The following SLC6A3 variants were observed in gnomAD, a reference collection of about 807,000 sequenced individuals.
The protein encoded by SLC6A3 is sodium-dependent dopamine transporter.
A neutral mutation model predicts 70.4 loss-of-function variants in SLC6A3; 19 were observed. That is an observed-to-expected ratio of 0.27 (90% CI 0.19 to 0.40). The LOEUF is 0.40. Ranked by LOEUF, SLC6A3 falls within the 10% of genes least tolerant of loss-of-function variation. SLC6A3 has a pLI of 1.00. For missense variants in SLC6A3, 613 were observed against 838.5 expected, an observed-to-expected ratio of 0.73 and a Z score of 3.32; for synonymous variants, 368 against 356.6, an observed-to-expected ratio of 1.03 and a Z score of -0.36.
In SLC6A3 at chr5:1,409,482, C is replaced by T. The variant is rs1756062306; in HGVS notation, c.1398+239G>A. Among the ~76,000 whole-genome samples the T allele has an allele frequency of 2.6e-5, 4 of 152,164 alleles. No individual in the cohort carries two copies. In the East Asian group the frequency reaches 5.8e-4, roughly 22 times the overall value. ...CCAGTCCCCAAACCCTAGAAGGAGG[C>T]AGCTTCAGCCTGGGGTGCTTCTGGG... is the stretch of plus-strand genomic sequence containing the variant. On this transcript the variant is annotated intron_variant, in intron 10 of 14. Transcript: ENST00000270349.
At position 1,430,320 on chromosome 5, in the gene SLC6A3, G is replaced by A. The variant is rs542847879; in HGVS notation, c.653+2144C>T. Among the ~76,000 whole-genome samples, 3 of 152,176 alleles carry A rather than the reference G, an allele frequency of 2.0e-5. No homozygotes were observed. In the East Asian group the frequency reaches 5.8e-4, roughly 29 times the overall value. On this transcript the variant is annotated intron_variant, in intron 4 of 14. Coordinates refer to ENST00000270349, the MANE Select transcript of SLC6A3 (RefSeq NM_001044.5). ...GGCCCACACAACGCTCACCCCACGC[G>A]ACCCATGGTCTTCCTCATGCTCTAA... is the stretch of plus-strand genomic sequence containing the variant.
At chr5:1,430,674 G>A (rs532418573) in intron 4 of SLC6A3, among the ~76,000 whole-genome samples, 64 of 152,254 alleles carry the variant, frequency 4.2e-4, no homozygotes, top group African/African-American at 1.3e-3. Flanking sequence ...CTGTTGATAC[G>A]GTTTTCAGAT....
At chr5:1,430,534 G>A (rs545648663) in intron 4 of SLC6A3, among the ~76,000 whole-genome samples, 2 of 152,262 alleles carry the variant, frequency 1.3e-5, no homozygotes, top group South Asian at 2.1e-4. Context: ...TCCCTTTCCG[G>A]CAGCATCAGC....
rs141485913 is a variant in SLC6A3, at chr5:1,400,975, G to A, written c.1779C>T (p.Tyr593=). 6.0e-5 allele frequency: 96 copies of A among 1,595,756 alleles called. No individual in the cohort carries two copies. Among genetic ancestry groups the A allele is most frequent in the African/African-American group, 1.1e-4 (8 of 74,600 alleles). Reference sequence around the variant, plus strand: ...CACGGTCCTTCTCGGGTGCAATGGCGTAGGCCAGTTTCTGAAAGAGAAAGA... The same window carrying A: ...CACGGTCCTTCTCGGGTGCAATGGCATAGGCCAGTTTCTGAAAGAGAAAGA... The part of the protein sequence containing the change: ...LPGSFREKLA[Y]AIAPEKDREL... Residue 593 remains tyrosine (Y), a synonymous_variant, in exon 14 of 15, where the codon TAC becomes TAT. Coordinates refer to ENST00000270349, the MANE Select transcript of SLC6A3 (RefSeq NM_001044.5).
rs558969327 is a variant in SLC6A3, at chr5:1,393,171, G to A, written c.*1564C>T. The A allele has an allele frequency of 4.6e-5, 7 of 152,276 alleles. No individual in the cohort carries two copies. The highest frequency in any genetic ancestry group is 4.2e-4 in the South Asian group (2 of 4,812). 9.4% of individuals were successfully genotyped at this position (152,276 alleles called of 1,614,324 possible). ...TTACACTCCAGTCCCTGGAGCCCAC[G>A]TCCACTTGCAGGGGACAGCCATGAC... On this transcript the variant is annotated 3_prime_UTR_variant, in exon 15 of 15. Coordinates refer to ENST00000270349, the MANE Select transcript of SLC6A3 (RefSeq NM_001044.5).
In SLC6A3 at chr5:1,437,063, A is replaced by G. The variant is rs1374229475; in HGVS notation, c.418+4296T>C. ...TCAGGCAATCGAGACCATCCTGGCT[A>G]ACACGATGAAACCCCGTCTCTACTA... On this transcript the variant is annotated intron_variant, in intron 3 of 14. Coordinates refer to ENST00000270349, the MANE Select transcript of SLC6A3 (RefSeq NM_001044.5). The surrounding 1 kb of genome is among the most constrained non-coding windows in gnomAD (Gnocchi z 4.8). Among the ~76,000 whole-genome samples the G allele has an allele frequency of 1.3e-5, 2 of 152,176 alleles. No homozygotes were observed. The highest frequency in any genetic ancestry group is 4.8e-5 in the African/African-American group (2 of 41,450).
rs1242428505 is a variant in SLC6A3 at position 1,437,779 on chromosome 5, C to T, written c.418+3580G>A. 6.6e-6 allele frequency among the ~76,000 whole-genome samples: 1 copy of T among 152,272 alleles called. No homozygotes were observed. Among genetic ancestry groups the T allele is most frequent in the Admixed American group, 6.5e-5 (1 of 15,292 alleles). On this transcript the variant is annotated intron_variant, in intron 3 of 14. Coordinates refer to ENST00000270349, the MANE Select transcript of SLC6A3 (RefSeq NM_001044.5). The surrounding 1 kb of genome is among the most constrained non-coding windows in gnomAD (Gnocchi z 4.8). Reference sequence around the variant, plus strand: ...ACCAGGCTTCCTGGAGAGCTGGCTTCATTCCCCCATGGAATTGCCACCTGC... The same window carrying T: ...ACCAGGCTTCCTGGAGAGCTGGCTTTATTCCCCCATGGAATTGCCACCTGC...
In SLC6A3 at chr5:1,405,540, A is replaced by T. The variant is rs1755951834; in HGVS notation, c.1599+648T>A. Among the ~76,000 whole-genome samples the T allele has an allele frequency of 6.6e-6, 1 of 152,254 alleles. No individual in the cohort carries two copies. On this transcript the variant is annotated intron_variant, in intron 12 of 14. Coordinates refer to ENST00000270349, the MANE Select transcript of SLC6A3 (RefSeq NM_001044.5). The surrounding 1 kb of genome is among the most constrained non-coding windows in gnomAD (Gnocchi z 5.3). ...CTTAGGTTGCCTGCCCAGATCAGGC[A>T]GCACAGCTTTGCTTTGTGAGCCTCC...
Position 1,401,396 on chromosome 5 carries a change from G to A in SLC6A3, c.1768-410C>T. 1 of 413,030 alleles carries A rather than the reference G, an allele frequency of 2.4e-6. No homozygotes were observed. The highest frequency in any genetic ancestry group is 4.7e-6 in the Non-Finnish European group (1 of 211,388). The allele number at this position is 413,030 out of a possible 1,614,324, so 25.6% of individuals were successfully genotyped here. A position where few individuals can be genotyped will look rare whatever the true frequency, so the allele number is the denominator to read the frequency against. On this transcript the variant is annotated intron_variant, in intron 13 of 14. Coordinates refer to ENST00000270349, the MANE Select transcript of SLC6A3 (RefSeq NM_001044.5). The surrounding 1 kb of genome is among the most constrained non-coding windows in gnomAD (Gnocchi z 6.1). Reference sequence around the variant, plus strand: ...GCCACCTGCAGCTGACATATTCCGGGAGCACTTGCTTTTTGTCACCTGCAG... The same window carrying A: ...GCCACCTGCAGCTGACATATTCCGGAAGCACTTGCTTTTTGTCACCTGCAG...
chr5:1,424,140 C>A (rs1376838700), intron 4 of SLC6A3, among the ~76,000 whole-genome samples: 1 of 152,234 alleles, frequency 6.6e-6, no homozygotes, highest in Admixed American at 6.5e-5. Flanking sequence ...TTGGCACAGG[C>A]CCCAGGTTGG....
chr5:1,443,158 C>T lies in SLC6A3; in HGVS notation c.40G>A (p.Val14Met), dbSNP rs190367530. Residue 14 changes from valine to methionine, a missense_variant, in exon 2 of 15, where the codon GTG becomes ATG. Coordinates refer to ENST00000270349, the MANE Select transcript of SLC6A3 (RefSeq NM_001044.5). ...TTGGGCTCCTTAGCCGGGGCCACCACGGAAGACATGAGTCCCACGGAGCAT... is the reference window on the plus strand; with the variant it reads ...TTGGGCTCCTTAGCCGGGGCCACCATGGAAGACATGAGTCCCACGGAGCAT... Reference protein sequence around the residue: ...SKCSVGLMSSVVAPAKEPNAV... With the variant: ...SKCSVGLMSSMVAPAKEPNAV... The T allele has an allele frequency of 1.4e-5, 22 of 1,614,234 alleles. No individual in the cohort carries two copies. The highest frequency in any genetic ancestry group is 8.3e-5 in the Admixed American group (5 of 60,032).
chr5:1,431,065 C>T (rs953264950), intron 4 of SLC6A3, among the ~76,000 whole-genome samples: 62 of 150,142 alleles, frequency 4.1e-4, no homozygotes, highest in Non-Finnish European at 7.9e-4. Context: ...ATCGCGCAAA[C>T]GTCCTCTCCT....
At chr5:1,429,053 T>C (rs1756636924) in intron 4 of SLC6A3, among the ~76,000 whole-genome samples, 1 of 152,212 alleles carries the variant, frequency 6.6e-6, no homozygotes, top group Non-Finnish European at 1.5e-5. Flanking sequence ...ACTCTGGCCT[T>C]TATGGCCTTT....
intron 9 of SLC6A3, among the ~76,000 whole-genome samples, chr5:1,410,437 G>T (rs1004936129): frequency 1.3e-5 from 2 of 152,146 alleles, no homozygotes; most frequent in East Asian, 3.9e-4. Context: ...TATGAGTGGG[G>T]GGCCGGGTGC....
Position 1,396,507 on chromosome 5 carries a change from T to C in SLC6A3, c.1840-1749A>G, listed in dbSNP as rs73028249. On this transcript the variant is annotated intron_variant, in intron 14 of 14. Coordinates refer to ENST00000270349, the MANE Select transcript of SLC6A3 (RefSeq NM_001044.5). The surrounding 1 kb of genome is among the most constrained non-coding windows in gnomAD (Gnocchi z 7.0). ...TGGTGGACTCCCTGAGCTGAGACGC[T>C]GGAAAGGAGAGCGAGGGAAACGGAG... Among the ~76,000 whole-genome samples, 4 of 151,900 alleles carry C rather than the reference T, an allele frequency of 2.6e-5. No individual in the cohort carries two copies. The highest frequency in any genetic ancestry group is 9.7e-5 in the African/African-American group (4 of 41,348).
intron 8 of SLC6A3, among the ~76,000 whole-genome samples, chr5:1,414,272 T>C (rs1256992883): frequency 6.7e-6 from 1 of 149,352 alleles, no homozygotes; most frequent in Non-Finnish European, 1.5e-5. Context: ...GGCAGCCTCA[T>C]GTGGCATCTG....
rs1437862329 is a variant in SLC6A3 at position 1,437,207 on chromosome 5, C to T, written c.418+4152G>A. On this transcript the variant is annotated intron_variant, in intron 3 of 14. Coordinates refer to ENST00000270349, the MANE Select transcript of SLC6A3 (RefSeq NM_001044.5). The surrounding 1 kb of genome is among the most constrained non-coding windows in gnomAD (Gnocchi z 4.8). ...CGCAGGTGACAGTGAGCCAAGATCG[C>T]GCCTTTGCACTCCAGCCTGGTGACA... Among the ~76,000 whole-genome samples, 9 of 150,352 alleles carry T rather than the reference C, an allele frequency of 6.0e-5. No individual in the cohort carries two copies. Among genetic ancestry groups the T allele is most frequent in the African/African-American group, 2.2e-4 (9 of 40,750 alleles).
At chr5:1,432,025 C>T (rs575013875) in intron 4 of SLC6A3, among the ~76,000 whole-genome samples, 15 of 152,228 alleles carry the variant, frequency 9.9e-5, no homozygotes, top group South Asian at 8.3e-4. Flanking sequence ...GGGCAAGGGC[C>T]GGAGTGAGGC....
chr5:1,431,231 G>A (rs1756694195), intron 4 of SLC6A3, among the ~76,000 whole-genome samples: 1 of 152,266 alleles, frequency 6.6e-6, no homozygotes, highest in Non-Finnish European at 1.5e-5. Flanking sequence ...GAACCCCTGG[G>A]TGTCAGTAAC....
Sources: gnomAD v4.1 joint callset for allele counts (sites outside exome capture counted in the v4.1 genomes callset) on GRCh38, gnomAD v4.1.1 for gene constraint, Gnocchi (gnomAD v3.1) non-coding constraint, MANE v1.5 for transcripts, NCBI Gene and HGNC (gene_info 2026-07-23, HGNC 2026-07-21) for gene names.